Variants in TRPM1 observed in about 807,000 individuals in gnomAD.
TRPM1 encodes transient receptor potential cation channel subfamily M member 1.
Under a neutral mutation model 149.4 loss-of-function variants are expected in TRPM1, and 113 were observed. That is an observed-to-expected ratio of 0.76 (90% CI 0.65 to 0.88). The LOEUF (loss-of-function observed/expected upper bound fraction) is 0.88. Ranked by LOEUF, TRPM1 falls within the 40% of genes least tolerant of loss-of-function variation. TRPM1 has a pLI of 0.00. For missense variants in TRPM1, 1,976 were observed against 2,038.7 expected, an observed-to-expected ratio of 0.97 and a Z score of 0.59; for synonymous variants, 741 against 759.5, an observed-to-expected ratio of 0.98 and a Z score of 0.40.
chr15:31,047,031 C>A (rs866941763), intron 15 of TRPM1, 80 bp downstream of exon 15: 1 of 1,589,416 alleles, frequency 6.3e-7, no homozygotes, highest in Non-Finnish European at 8.6e-7. Context: ...GGCTCTGAAC[C>A]GGCCAAGTTG....
intron 1 of TRPM1, among the ~76,000 whole-genome samples, chr15:31,118,466 T>C (rs1393108904): frequency 6.6e-6 from 1 of 151,906 alleles, no homozygotes; most frequent in East Asian, 1.9e-4. Context: ...TGTGGACCTA[T>C]CGTGTTCAAA....
At position 31,028,336 on chromosome 15, in the gene TRPM1, A is replaced by T; in HGVS notation, c.3289T>A (p.Phe1097Ile). The change falls in exon 25 of 28, where the codon TTC becomes ATC. Residue 1097 changes from phenylalanine (F) to isoleucine (I), a missense_variant. Around this residue, in one of 3 missense-constraint regions of TRPM1, gnomAD observed 72 missense variants for 112.7 expected, o/e 0.64. Coordinates refer to ENST00000256552, the MANE Select transcript of TRPM1 (RefSeq NM_001252024.2). ...ILLVNLLIAV[F>I]NNTFFEVKSI... Reference sequence around the variant, plus strand: ...GTCATCGGCTGTGACACGTACTTGAACACAGCAATCAGCAGGTTCACCAGC... The same window carrying T: ...GTCATCGGCTGTGACACGTACTTGATCACAGCAATCAGCAGGTTCACCAGC... 1 of 1,614,190 alleles carries T rather than the reference A, an allele frequency of 6.2e-7. No individual in the cohort carries two copies. Among genetic ancestry groups the T allele is most frequent in the Non-Finnish European group, 8.5e-7 (1 of 1,180,024 alleles).
At position 31,156,930 on chromosome 15, in the gene TRPM1, A is replaced by ATTT. The variant is rs11398253; in HGVS notation, c.54+3973_54+3975dup. Among the ~76,000 whole-genome samples the ATTT allele has an allele frequency of 9.4e-3, 1,384 of 147,592 alleles. 29 individuals are homozygous for ATTT. Among genetic ancestry groups the ATTT allele is most frequent in the African/African-American group, 0.032 (1,305 of 40,356 alleles). ...TTCTATAAATAGTGTACTTACATTT[A>ATTT]TTTTTTTTTTTTTGAGATAGGGTCT... On this transcript the variant is annotated intron_variant, in intron 1 of 26. Transcript: ENST00000542188.
chr15:31,087,093 T>C (rs1038908110), intron 1 of TRPM1, among the ~76,000 whole-genome samples: 4 of 151,936 alleles, frequency 2.6e-5, no homozygotes, highest in Admixed American at 6.6e-5. Context: ...GGTGAGGATG[T>C]GGAGAAATCG....
At chr15:31,139,370 G>A (rs1385708452) in intron 1 of TRPM1, among the ~76,000 whole-genome samples, 2 of 152,112 alleles carry the variant, frequency 1.3e-5, no homozygotes, top group African/African-American at 4.8e-5. Flanking sequence ...AATAGAACAG[G>A]TAATCAGGAC....
At chr15:31,101,555 T>C (rs899778453) in intron 1 of TRPM1, 102 bp downstream of exon 1, 5 of 685,348 alleles carry the variant, frequency 7.3e-6, no homozygotes, top group African/African-American at 5.9e-5. Context: ...ACTGCATCTG[T>C]GGTTATCTGC....
Position 31,048,168 on chromosome 15 carries a change from T to C in TRPM1, c.1573-229A>G, listed in dbSNP as rs573030163. On this transcript the variant is annotated intron_variant, in intron 13 of 27. Coordinates refer to ENST00000256552, the MANE Select transcript of TRPM1 (RefSeq NM_001252024.2). ...ATCCTAGCTACTAGGGAGGCTGAGG[T>C]TGGAGGATCACTTGAACCGGGGAGG... Among the ~76,000 whole-genome samples the C allele has an allele frequency of 1.6e-3, 237 of 152,150 alleles. 11 individuals are homozygous for C. In the South Asian group the frequency reaches 0.047, roughly 30 times the overall value.
intron 1 of TRPM1, among the ~76,000 whole-genome samples, chr15:31,115,679 G>A (rs531630299): frequency 6.6e-6 from 1 of 151,782 alleles, no homozygotes; most frequent in African/African-American, 2.4e-5. Flanking sequence ...ATCCCTTCCT[G>A]TTTCCAGCAG....
At chr15:31,088,881 C>G (rs1030835500) in intron 1 of TRPM1, among the ~76,000 whole-genome samples, 3 of 146,144 alleles carry the variant, frequency 2.1e-5, no homozygotes, top group East Asian at 2.0e-4. Context: ...TTGGCCCCCC[C>G]GAGCGGGAGA....
upstream of TRPM1, among the ~76,000 whole-genome samples, chr15:31,104,344 G>T (rs1359133188): frequency 6.6e-6 from 1 of 152,096 alleles, no homozygotes; most frequent in East Asian, 1.9e-4. Flanking sequence ...GAGGCCCAAG[G>T]GTCCTGGTTG....
intron 24 of TRPM1, among the ~76,000 whole-genome samples, chr15:31,028,725 C>A (rs1287242478): frequency 6.6e-6 from 1 of 151,602 alleles, no homozygotes; most frequent in Non-Finnish European, 1.5e-5. Context: ...GTACTCCAGC[C>A]TGGGTGACTG....
chr15:31,122,883 T>C (rs756780488), intron 1 of TRPM1, among the ~76,000 whole-genome samples: 2 of 152,120 alleles, frequency 1.3e-5, no homozygotes, highest in Non-Finnish European at 2.9e-5. Context: ...ATAAGCAACA[T>C]AATACTGAAG....
At chr15:31,114,147 T>C (rs1165770813) in intron 1 of TRPM1, among the ~76,000 whole-genome samples, 6 of 152,180 alleles carry the variant, frequency 3.9e-5, no homozygotes, top group Non-Finnish European at 7.3e-5. Context: ...CCCTTATTTT[T>C]TTCTGATCTT....
At chr15:31,090,778 T>A (rs1169388811) in intron 1 of TRPM1, among the ~76,000 whole-genome samples, 1 of 152,108 alleles carries the variant, frequency 6.6e-6, no homozygotes, top group Non-Finnish European at 1.5e-5. Context: ...TTAAAAAAAA[T>A]ACAGTAAACA....
chr15:31,102,665 G>T (rs7182946), upstream of TRPM1, among the ~76,000 whole-genome samples: 92,747 of 152,072 alleles, frequency 0.61, 28,833 homozygotes, highest in East Asian at 0.96. Context: ...CCCACCCAAT[G>T]CCTGGCAGAC....
At chr15:31,136,219 C>T (rs1221909306) in intron 1 of TRPM1, among the ~76,000 whole-genome samples, 2 of 152,028 alleles carry the variant, frequency 1.3e-5, no homozygotes, top group African/African-American at 2.4e-5. Flanking sequence ...GGGAGAGCAT[C>T]GGATCCAGGC....
At chr15:31,057,437 C>G (rs758480471) in intron 11 of TRPM1, among the ~76,000 whole-genome samples, 51 of 152,092 alleles carry the variant, frequency 3.4e-4, no homozygotes, top group Non-Finnish European at 5.6e-4. Context: ...CTAGCAGGTA[C>G]TAGGCTTAAT....
chr15:31,075,648 C>G (rs912252127), intron 3 of TRPM1, among the ~76,000 whole-genome samples: 16 of 152,128 alleles, frequency 1.1e-4, no homozygotes, highest in Non-Finnish European at 2.9e-5. Flanking sequence ...AGAAAGCCCC[C>G]TGACTGGGAG....
intron 1 of TRPM1, among the ~76,000 whole-genome samples, chr15:31,129,928 A>G (rs1359429571): frequency 6.6e-6 from 1 of 152,232 alleles, no homozygotes; most frequent in Non-Finnish European, 1.5e-5. Flanking sequence ...CAGACTCCAC[A>G]TGCTCTCTGA....
Sources: gnomAD v4.1 joint callset for allele counts (sites outside exome capture counted in the v4.1 genomes callset) on GRCh38, gnomAD v4.1.1 for gene constraint, gnomAD v4.1.1 regional missense constraint, MANE v1.5 for transcripts, NCBI Gene and HGNC (gene_info 2026-07-23, HGNC 2026-07-21) for gene names.